ARPC5L: variants seen among roughly 807,000 people sequenced by gnomAD.
The protein encoded by ARPC5L is actin-related protein 2/3 complex subunit 5-like protein.
Under a neutral mutation model 16.9 loss-of-function variants are expected in ARPC5L, and 4 were observed. The observed-to-expected ratio is 0.24, with a 90% CI of 0.12 to 0.54. ARPC5L has a LOEUF of 0.54. Ranked by LOEUF, ARPC5L falls within the 20% of genes least tolerant of loss-of-function variation. The probability of loss-of-function intolerance (pLI) is 0.95; values close to 1 mark genes in which losing one functional copy is unlikely to be tolerated. For synonymous variants in ARPC5L, 78 were observed against 82.6 expected, an observed-to-expected ratio of 0.94 and a Z score of 0.30; for missense variants, 151 against 201.9, an observed-to-expected ratio of 0.75 and a Z score of 1.53.
chr9:124,867,739 C>A (rs1829292384), intron 2 of ARPC5L, among the ~76,000 whole-genome samples: 3 of 152,034 alleles, frequency 2.0e-5, no homozygotes, highest in Admixed American at 6.5e-5. Context: ...TATTTTTTCC[C>A]AGATATGGAA....
At chr9:124,863,260 T>C (rs1406538872) in intron 1 of ARPC5L, among the ~76,000 whole-genome samples, 1 of 152,162 alleles carries the variant, frequency 6.6e-6, no homozygotes, top group African/African-American at 2.4e-5. Context: ...GTTCAAGAGA[T>C]TCTCCTGCCT....
chr9:124,876,754 A>T, intron 5 of ARPC5L, 124 bp from the exon 6 acceptor site: 1 of 754,626 alleles, frequency 1.3e-6, no homozygotes, highest in Non-Finnish European at 2.2e-6. Context: ...CTATCTCAGG[A>T]ATCCTCTTTC....
chr9:124,876,696 C>T (rs559741802), intron 5 of ARPC5L, among the ~76,000 whole-genome samples, 182 bp from the exon 6 acceptor site: 15 of 152,294 alleles, frequency 9.8e-5, no homozygotes, highest in African/African-American at 3.4e-4. Flanking sequence ...GCCAACAGCT[C>T]TCGGGACCCC....
intron 2 of ARPC5L, among the ~76,000 whole-genome samples, chr9:124,868,133 C>T (rs971648022): frequency 6.6e-6 from 1 of 152,042 alleles, no homozygotes; most frequent in Non-Finnish European, 1.5e-5. Flanking sequence ...AGTCTGTATC[C>T]TTACCACCGA....
intron 3 of ARPC5L, among the ~76,000 whole-genome samples, chr9:124,870,193 C>T (rs1364343121): frequency 1.3e-5 from 2 of 152,194 alleles, no homozygotes; most frequent in African/African-American, 4.8e-5. Flanking sequence ...TAAGAAAAAC[C>T]AGACACCTTG....
At chr9:124,872,758 G>T (rs1829378145) in intron 3 of ARPC5L, 1 of 152,284 alleles carries the variant, frequency 6.6e-6, no homozygotes, top group Non-Finnish European at 1.5e-5. Context: ...TGGGGAACCA[G>T]CGCTGGGAGT....
At chr9:124,865,132 G>A (rs1053371312) in intron 2 of ARPC5L, among the ~76,000 whole-genome samples, 3 of 151,964 alleles carry the variant, frequency 2.0e-5, no homozygotes, top group Non-Finnish European at 2.9e-5. Flanking sequence ...GTACCTGGCC[G>A]GCATAGCTTA....
In ARPC5L at chr9:124,875,114, A is replaced by G; in HGVS notation, c.362A>G (p.Glu121Gly). Reference protein sequence around the residue: ...YIYKGFEKPTENSSAVLLQWH... With the variant: ...YIYKGFEKPTGNSSAVLLQWH... The stretch of plus-strand genomic sequence containing the variant: ...TATAAAGGCTTTGAGAAGCCCACAG[A>G]AAATAGCAGCGCAGTGTTACTCCAG... Residue 121 changes from glutamate to glycine, a missense_variant, in exon 5 of 6, where the codon GAA becomes GGA. Coordinates refer to ENST00000353214, the MANE Select transcript of ARPC5L (RefSeq NM_030978.3). The G allele has an allele frequency of 6.2e-7, 1 of 1,614,134 alleles. No homozygotes were observed. Among genetic ancestry groups the G allele is most frequent in the Non-Finnish European group, 8.5e-7 (1 of 1,179,960 alleles).
chr9:124,867,536 G>A (rs972565494), intron 2 of ARPC5L, among the ~76,000 whole-genome samples: 1 of 152,120 alleles, frequency 6.6e-6, no homozygotes, highest in African/African-American at 2.4e-5. Flanking sequence ...GTATAATATG[G>A]ATTTTTAAAT....
Position 124,869,112 on chromosome 9 carries a change from C to T in ARPC5L, c.-179C>T, listed in dbSNP as rs991928184. 151 of 707,252 alleles carry T rather than the reference C, an allele frequency of 2.1e-4. No individual in the cohort carries two copies. The African/African-American group carries it at 2.7e-3, about 13-fold the overall frequency. The allele number at this position is 707,252 out of a possible 1,614,324, so 43.8% of individuals were successfully genotyped here. ...TCCGCCCCGCCCCTGACGGCGCTTC[C>T]GGATCCGGCGGGTGCCGGAAGTGGG... is the stretch of plus-strand genomic sequence containing the variant. On this transcript the variant is annotated 5_prime_UTR_variant, in exon 3 of 6. Transcript: ENST00000353214.
In ARPC5L at chr9:124,876,995, TGAA is replaced by T; in HGVS notation, c.*60_*62del. The T allele has an allele frequency of 6.9e-7, 1 of 1,454,542 alleles. No homozygotes were observed. The highest frequency in any genetic ancestry group is 1.2e-5 in the South Asian group (1 of 83,638). The allele number at this position is 1,454,542 out of a possible 1,614,324, so 90.1% of individuals were successfully genotyped here. A position where few individuals can be genotyped will look rare whatever the true frequency, so the allele number is the denominator to read the frequency against. On this transcript the variant is annotated 3_prime_UTR_variant, in exon 6 of 6. Transcript: ENST00000353214. ...GAAGAATTCTGGATGCCCAGGCTGGTGAAGAAGGGATTGACAATGGACCATCTT... is the reference window on the plus strand; with the variant it reads ...GAAGAATTCTGGATGCCCAGGCTGGTGAAGGGATTGACAATGGACCATCTT...
At chr9:124,873,790 C>G (rs1829394076) in intron 4 of ARPC5L, 26 bp downstream of exon 4, 1 of 1,613,582 alleles carries the variant, frequency 6.2e-7, no homozygotes, top group Non-Finnish European at 8.5e-7. Flanking sequence ...TGCGGCTCTG[C>G]TGGGTGCTGT....
At chr9:124,864,770 C>G (rs141732437) in intron 2 of ARPC5L, among the ~76,000 whole-genome samples, 1 of 151,928 alleles carries the variant, frequency 6.6e-6, no homozygotes. Flanking sequence ...TCCCAAAGTG[C>G]TGCGATTACA....
At chr9:124,868,129 T>C (rs79059071) in intron 2 of ARPC5L, among the ~76,000 whole-genome samples, 4,634 of 152,274 alleles carry the variant, frequency 0.03, 219 homozygotes, top group East Asian at 0.23. Context: ...TGGGAGTCTG[T>C]ATCCTTACCA....
chr9:124,863,204 G>A (rs1259717439), intron 1 of ARPC5L, among the ~76,000 whole-genome samples: 2 of 152,022 alleles, frequency 1.3e-5, no homozygotes, highest in African/African-American at 4.8e-5. Flanking sequence ...GCCTAGGCTG[G>A]AGTGCAGTGG....
At chr9:124,873,667 C>T in intron 3 of ARPC5L, 25 bp from the exon 4 acceptor site, 1 of 1,613,762 alleles carries the variant, frequency 6.2e-7, no homozygotes, top group Non-Finnish European at 8.5e-7. Flanking sequence ...TTGAGCCTAG[C>T]TATCCTTAAC....
At chr9:124,874,718 T>C (rs1417255366) in intron 4 of ARPC5L, among the ~76,000 whole-genome samples, 1 of 151,526 alleles carries the variant, frequency 6.6e-6, no homozygotes, top group African/African-American at 2.4e-5. Context: ...TCTCTCTCTC[T>C]CTCTCTCTCA....
intron 5 of ARPC5L, among the ~76,000 whole-genome samples, chr9:124,875,768 C>T (rs1424374565): frequency 6.6e-6 from 1 of 152,220 alleles, no homozygotes; most frequent in Non-Finnish European, 1.5e-5. Flanking sequence ...CCCCTGCACA[C>T]CCCTAGTGCC....
chr9:124,868,225 T>C (rs1029719464), intron 2 of ARPC5L, among the ~76,000 whole-genome samples: 1 of 152,150 alleles, frequency 6.6e-6, no homozygotes, highest in Non-Finnish European at 1.5e-5. Context: ...GCAGCAAAAA[T>C]GAATCACATT....
Sources: allele counts gnomAD v4.1 joint callset (sites outside exome capture counted in the v4.1 genomes callset), GRCh38; gene constraint gnomAD v4.1.1; transcripts MANE v1.5; gene names NCBI Gene and HGNC (gene_info 2026-07-23, HGNC 2026-07-21).